The following C10orf90 variants were observed in gnomAD, a reference collection of about 807,000 sequenced individuals.
The protein encoded by C10orf90 is chromosome 10 open reading frame 90.
C10orf90 carries 56 observed loss-of-function variants against 62.5 expected under a neutral mutation model. The observed-to-expected ratio is 0.90, with a 90% CI of 0.72 to 1.12. C10orf90 has a LOEUF of 1.12. Ranked by LOEUF, C10orf90 falls within the 50% of genes most tolerant of loss-of-function variation. The pLI is 0.00. For missense variants in C10orf90, 970 were observed against 880.4 expected (o/e 1.10, Z -1.29); for synonymous variants, 386 against 340.4 (o/e 1.13, Z -1.47).
chr10:126,472,228 C>A (rs1452271678), intron 4 of C10orf90, among the ~76,000 whole-genome samples: 1 of 152,108 alleles, frequency 6.6e-6, no homozygotes, highest in African/African-American at 2.4e-5. Flanking sequence ...AAGACATTTC[C>A]ATTTAAAAAA....
chr10:126,591,307 G>A (rs1245728024), intron 2 of C10orf90, among the ~76,000 whole-genome samples: 1 of 152,138 alleles, frequency 6.6e-6, no homozygotes, highest in African/African-American at 2.4e-5. Context: ...GTAAAATACT[G>A]GCAAACCAAA....
At chr10:126,458,841 T>C (rs1422387320) in intron 7 of C10orf90, among the ~76,000 whole-genome samples, 199 bp downstream of exon 7, 1 of 152,190 alleles carries the variant, frequency 6.6e-6, no homozygotes, top group Non-Finnish European at 1.5e-5. Context: ...CTGAGCTCAA[T>C]GCCCATATGT....
chr10:126,584,430 G>A (rs1213202629), intron 2 of C10orf90, among the ~76,000 whole-genome samples: 4 of 151,912 alleles, frequency 2.6e-5, no homozygotes, highest in Non-Finnish European at 5.9e-5. Flanking sequence ...CCTTCCATCT[G>A]TCCATCCATC....
chr10:126,571,498 C>T (rs1399408706), intron 2 of C10orf90, among the ~76,000 whole-genome samples: 1 of 152,210 alleles, frequency 6.6e-6, no homozygotes, highest in Non-Finnish European at 1.5e-5. Flanking sequence ...AGCCTCCAGG[C>T]ATACCTGCAC....
At chr10:126,500,158 G>T (rs894547614) in intron 4 of C10orf90, among the ~76,000 whole-genome samples, 1 of 152,124 alleles carries the variant, frequency 6.6e-6, no homozygotes, top group African/African-American at 2.4e-5. Context: ...TAGTCTACCG[G>T]GGTAACTGGC....
At chr10:126,480,680 C>T (rs1010951566) in intron 4 of C10orf90, among the ~76,000 whole-genome samples, 1 of 152,220 alleles carries the variant, frequency 6.6e-6, no homozygotes, top group Admixed American at 6.5e-5. Flanking sequence ...TCAATGAATT[C>T]TTTACCTCCA....
chr10:126,499,817 T>C (rs1206325436), intron 4 of C10orf90, among the ~76,000 whole-genome samples: 1 of 152,226 alleles, frequency 6.6e-6, no homozygotes, highest in Non-Finnish European at 1.5e-5. Flanking sequence ...GGACAGCGTA[T>C]TCACTAGTCT....
intron 7 of C10orf90, among the ~76,000 whole-genome samples, chr10:126,451,838 A>G (rs1859221593): frequency 6.6e-6 from 1 of 152,128 alleles, no homozygotes. Context: ...CAGAAAGACA[A>G]ATACTGTATG....
chr10:126,579,680 G>C (rs1347866893), intron 2 of C10orf90, among the ~76,000 whole-genome samples: 1 of 151,930 alleles, frequency 6.6e-6, no homozygotes, highest in Non-Finnish European at 1.5e-5. Context: ...AAGTTTTTCA[G>C]GGGTGATCTC....
chr10:126,532,763 G>T (rs969403420), intron 2 of C10orf90, among the ~76,000 whole-genome samples: 1 of 137,128 alleles, frequency 7.3e-6, no homozygotes. Context: ...CGTGAACCCG[G>T]GAGGCGGAGA....
At position 126,652,485 on chromosome 10, in the gene C10orf90, T is replaced by A. The variant is rs1846310720; in HGVS notation, c.241-5848A>T. On this transcript the variant is annotated intron_variant, in intron 1 of 9. Coordinates refer to ENST00000488181, the MANE Select transcript of C10orf90 (RefSeq NM_001350921.2). ...GGTTCTGATATGAAAATGAGATGAA[T>A]CAGGATGTAAAGTGGATATATTATT... is the stretch of plus-strand genomic sequence containing the variant. Among the ~76,000 whole-genome samples, 3 of 152,142 alleles carry A rather than the reference T, an allele frequency of 2.0e-5. No individual in the cohort carries two copies. The South Asian group carries it at 6.2e-4, about 32-fold the overall frequency.
At chr10:126,625,841 G>A (rs995387022) in intron 2 of C10orf90, among the ~76,000 whole-genome samples, 2 of 152,154 alleles carry the variant, frequency 1.3e-5, no homozygotes, top group Admixed American at 6.5e-5. Flanking sequence ...TGGGCTGGGC[G>A]CAGTGGCTCA....
rs570534667 is a variant in C10orf90, at chr10:126,584,340, GCCTA to G, written c.313+62221_313+62224del. Among the ~76,000 whole-genome samples, 519 of 151,084 alleles carry G rather than the reference GCCTA, an allele frequency of 3.4e-3. 3 individuals are homozygous for G. The highest frequency in any genetic ancestry group is 0.012 in the African/African-American group (485 of 41,128). ...CATCTGCCTGTCTGCTTGTCCATCC[GCCTA>G]CCTGTCTGTCCACCTGTCCACCTTC... On this transcript the variant is annotated intron_variant, in intron 2 of 9. Coordinates refer to ENST00000488181, the MANE Select transcript of C10orf90 (RefSeq NM_001350921.2).
intron 7 of C10orf90, among the ~76,000 whole-genome samples, chr10:126,436,443 A>G (rs950248381): frequency 2.3e-4 from 35 of 152,268 alleles, no homozygotes; most frequent in African/African-American, 7.7e-4. Flanking sequence ...ACAAAAAAAA[A>G]TGAGCATTAG....
intron 2 of C10orf90, among the ~76,000 whole-genome samples, chr10:126,566,822 T>C (rs1213567275): frequency 2.0e-5 from 3 of 151,994 alleles, no homozygotes; most frequent in Non-Finnish European, 4.4e-5. Context: ...AGGATACATC[T>C]GGGAGGCAGG....
chr10:126,642,973 A>G (rs1013960018), intron 2 of C10orf90, among the ~76,000 whole-genome samples: 1 of 152,178 alleles, frequency 6.6e-6, no homozygotes, highest in Non-Finnish European at 1.5e-5. Flanking sequence ...ACAGCATGTA[A>G]ATAATTTGAC....
At chr10:126,439,656 G>A (rs1021515443) in intron 7 of C10orf90, among the ~76,000 whole-genome samples, 11 of 151,858 alleles carry the variant, frequency 7.2e-5, no homozygotes, top group Admixed American at 3.9e-4. Flanking sequence ...TGAAACTGAA[G>A]GATATAACAA....
At chr10:126,527,751 T>C (rs1281415374) in intron 2 of C10orf90, among the ~76,000 whole-genome samples, 1 of 152,198 alleles carries the variant, frequency 6.6e-6, no homozygotes, top group Non-Finnish European at 1.5e-5. Context: ...AGAAGACACA[T>C]AGAAAGCCCT....
At chr10:126,450,139 G>A (rs1229586378) in intron 7 of C10orf90, among the ~76,000 whole-genome samples, 2 of 152,012 alleles carry the variant, frequency 1.3e-5, no homozygotes, top group Admixed American at 6.6e-5. Flanking sequence ...AAATATATAT[G>A]TACACTAAAA....
Sources: gnomAD v4.1 joint callset for allele counts (sites outside exome capture counted in the v4.1 genomes callset) on GRCh38, gnomAD v4.1.1 for gene constraint, MANE v1.5 for transcripts, NCBI Gene and HGNC (gene_info 2026-07-23, HGNC 2026-07-21) for gene names.